Variants in PARD3B observed in about 807,000 individuals in gnomAD.
PARD3B encodes the protein par-3 family cell polarity regulator beta.
PARD3B carries 103 observed loss-of-function variants against 130.2 expected under a neutral mutation model. The observed-to-expected ratio is 0.79, with a 90% CI of 0.67 to 0.93. The LOEUF (loss-of-function observed/expected upper bound fraction) is 0.93, where lower values mean the gene tolerates loss of function less well. Among genes scored for constraint, PARD3B ranks in the 40% least tolerant of loss-of-function variants. The probability of loss-of-function intolerance (pLI) is 0.00; values close to 1 mark genes in which losing one functional copy is unlikely to be tolerated. For missense variants in PARD3B, 1,609 were observed against 1,499.2 expected (o/e 1.07, Z -1.21); for synonymous variants, 583 against 553.2 (o/e 1.05, Z -0.76).
At chr2:205,029,084 C>G (rs954929449) in intron 3 of PARD3B, among the ~76,000 whole-genome samples, 3 of 152,098 alleles carry the variant, frequency 2.0e-5, no homozygotes, top group Non-Finnish European at 2.9e-5. Flanking sequence ...TTTCAGCCTA[C>G]TTTATTTAAG....
chr2:204,950,047 A>T (rs997029976), intron 2 of PARD3B, among the ~76,000 whole-genome samples: 1 of 152,220 alleles, frequency 6.6e-6, no homozygotes, highest in African/African-American at 2.4e-5. Flanking sequence ...TAAATGAGCA[A>T]TTCCTTCATG....
intron 15 of PARD3B, among the ~76,000 whole-genome samples, chr2:205,212,478 G>T (rs531601365): frequency 6.6e-6 from 1 of 152,228 alleles, no homozygotes; most frequent in Admixed American, 6.6e-5. Context: ...GAGATTTAAA[G>T]GTGATGTGCA....
chr2:204,624,833 T>C (rs2034431033), intron 1 of PARD3B, among the ~76,000 whole-genome samples: 2 of 152,176 alleles, frequency 1.3e-5, no homozygotes, highest in Non-Finnish European at 2.9e-5. Context: ...GTAGCTGTAC[T>C]GCTTTCTACT....
chr2:205,093,477 C>A (rs1451623480), intron 4 of PARD3B, among the ~76,000 whole-genome samples: 1 of 151,960 alleles, frequency 6.6e-6, no homozygotes, highest in East Asian at 1.9e-4. Flanking sequence ...GAGATTGAGT[C>A]CATGCAGAGT....
chr2:205,108,518 C>T (rs1703390596), intron 5 of PARD3B, among the ~76,000 whole-genome samples: 1 of 152,016 alleles, frequency 6.6e-6, no homozygotes. Flanking sequence ...CCCTCCCTCC[C>T]TCTCTCTAAT....
intron 18 of PARD3B, among the ~76,000 whole-genome samples, chr2:205,357,920 G>A (rs1245016883): frequency 6.6e-6 from 1 of 152,120 alleles, no homozygotes; most frequent in African/African-American, 2.4e-5. Context: ...GGCTTTGGAG[G>A]GATCTCCATA....
chr2:204,611,751 A>G (rs888056896), intron 1 of PARD3B, among the ~76,000 whole-genome samples: 2 of 152,228 alleles, frequency 1.3e-5, no homozygotes, highest in African/African-American at 2.4e-5. Flanking sequence ...ATTTTAAAAT[A>G]TACTGATCCA....
At chr2:204,696,304 A>G (rs938173573) in intron 2 of PARD3B, among the ~76,000 whole-genome samples, 2 of 152,086 alleles carry the variant, frequency 1.3e-5, no homozygotes, top group Non-Finnish European at 2.9e-5. Flanking sequence ...TCAACAGGAC[A>G]CTGCTCAGTA....
chr2:205,138,866 C>G (rs1458073910), intron 10 of PARD3B, among the ~76,000 whole-genome samples: 3 of 152,194 alleles, frequency 2.0e-5, no homozygotes, highest in Non-Finnish European at 2.9e-5. Context: ...TCATGGCTAC[C>G]TCTTCGACCC....
chr2:205,484,751 A>T (rs754457372), intron 20 of PARD3B, among the ~76,000 whole-genome samples: 1 of 152,184 alleles, frequency 6.6e-6, no homozygotes, highest in African/African-American at 2.4e-5. Context: ...AAGCATTGTT[A>T]TGTGAAGTGC....
intron 22 of PARD3B, among the ~76,000 whole-genome samples, chr2:205,577,182 G>A (rs2053792667): frequency 6.6e-6 from 1 of 151,968 alleles, no homozygotes; most frequent in Admixed American, 6.6e-5. Context: ...ATTCCAGGAG[G>A]GTTTTTTGTG....
At chr2:205,285,344 A>G (rs930257307) in intron 16 of PARD3B, among the ~76,000 whole-genome samples, 2 of 152,136 alleles carry the variant, frequency 1.3e-5, no homozygotes, top group Admixed American at 1.3e-4. Context: ...ATCCCAGTTT[A>G]GGGTACTGAG....
At chr2:204,693,297 A>T (rs2037440696) in intron 2 of PARD3B, among the ~76,000 whole-genome samples, 3 of 151,996 alleles carry the variant, frequency 2.0e-5, no homozygotes, top group Admixed American at 2.0e-4. Context: ...TTGACAAGAA[A>T]TTGGTCGTCT....
At chr2:204,838,506 T>A (rs1388201880) in intron 2 of PARD3B, among the ~76,000 whole-genome samples, 1 of 152,096 alleles carries the variant, frequency 6.6e-6, no homozygotes, top group Non-Finnish European at 1.5e-5. Flanking sequence ...TGAACCACCA[T>A]GCCTGGCTGC....
intron 18 of PARD3B, among the ~76,000 whole-genome samples, chr2:205,322,159 A>G (rs191249464): frequency 2.6e-5 from 4 of 152,372 alleles, no homozygotes; most frequent in Non-Finnish European, 2.9e-5. Context: ...ACACCTATTC[A>G]TTTGAAAACA....
At chr2:204,978,344 C>G (rs545536731) in intron 3 of PARD3B, among the ~76,000 whole-genome samples, 2 of 152,144 alleles carry the variant, frequency 1.3e-5, no homozygotes, top group African/African-American at 4.8e-5. Context: ...CATGGAGTAT[C>G]TCTATTGGAA....
chr2:204,859,337 T>A (rs2045090588), intron 2 of PARD3B, among the ~76,000 whole-genome samples: 1 of 152,144 alleles, frequency 6.6e-6, no homozygotes, highest in Non-Finnish European at 1.5e-5. Context: ...AAAAGTAGAT[T>A]ATGTTTTTAG....
intron 18 of PARD3B, among the ~76,000 whole-genome samples, chr2:205,391,867 T>C (rs751346745): frequency 2.4e-4 from 36 of 152,136 alleles, no homozygotes; most frequent in Non-Finnish European, 3.8e-4. Context: ...TCCCTTTTTT[T>C]CCCCCTAACA....
At chr2:204,619,472 A>G (rs577334504) in intron 1 of PARD3B, among the ~76,000 whole-genome samples, 34 of 152,208 alleles carry the variant, frequency 2.2e-4, no homozygotes, top group Non-Finnish European at 4.7e-4. Flanking sequence ...TATATATAAT[A>G]TGCTTCACAG....
Sources: gnomAD v4.1 joint callset for allele counts (sites outside exome capture counted in the v4.1 genomes callset) on GRCh38, gnomAD v4.1.1 for gene constraint, MANE v1.5 for transcripts, NCBI Gene and HGNC (gene_info 2026-07-23, HGNC 2026-07-21) for gene names.